The following ARL8B variants were observed in gnomAD, a reference collection of about 807,000 sequenced individuals.
ARL8B encodes the protein ADP-ribosylation factor-like protein 8B.
Under a neutral mutation model 30.6 loss-of-function variants are expected in ARL8B, and 9 were observed. The observed-to-expected ratio is 0.29, with a 90% confidence interval of 0.18 to 0.51. The LOEUF is 0.51. Among genes scored for constraint, ARL8B ranks in the 20% least tolerant of loss-of-function variants. The pLI is 0.97. For synonymous variants in ARL8B, 74 were observed against 76.0 expected, an observed-to-expected ratio of 0.97 and a Z score of 0.14; for missense variants, 130 against 227.2, an observed-to-expected ratio of 0.57 and a Z score of 2.75.
chr3:5,158,897 G>A (rs1234339977), intron 1 of ARL8B, among the ~76,000 whole-genome samples: 1 of 151,984 alleles, frequency 6.6e-6, no homozygotes, highest in African/African-American at 2.4e-5. Flanking sequence ...TCATTCTGTT[G>A]TTTATGGCTT....
intron 1 of ARL8B, among the ~76,000 whole-genome samples, chr3:5,166,105 T>A (rs902571873): frequency 6.6e-6 from 1 of 151,338 alleles, no homozygotes; most frequent in African/African-American, 2.4e-5. Flanking sequence ...AGTGGCGTGA[T>A]CTTGGCTCGC....
intron 1 of ARL8B, among the ~76,000 whole-genome samples, chr3:5,124,171 C>A (rs566603380): frequency 6.6e-6 from 1 of 151,574 alleles, no homozygotes; most frequent in East Asian, 1.9e-4. Context: ...GCCTGGCCTC[C>A]TATTGTAATA....
chr3:5,152,155 G>A (rs1444096998), intron 1 of ARL8B, among the ~76,000 whole-genome samples: 1 of 152,108 alleles, frequency 6.6e-6, no homozygotes, highest in Non-Finnish European at 1.5e-5. Context: ...ATCCTTGCTG[G>A]TTTTCTCCCT....
chr3:5,124,772 A>C (rs2054215481), intron 1 of ARL8B, among the ~76,000 whole-genome samples: 1 of 152,144 alleles, frequency 6.6e-6, no homozygotes, highest in South Asian at 2.1e-4. Flanking sequence ...TAGAGCTTTT[A>C]TATAATATGG....
intron 1 of ARL8B, among the ~76,000 whole-genome samples, chr3:5,131,724 C>G (rs2054285472): frequency 6.6e-6 from 1 of 152,158 alleles, no homozygotes; most frequent in African/African-American, 2.4e-5. Context: ...ATTGACGTTA[C>G]AGGTTTTCAT....
intron 6 of ARL8B, among the ~76,000 whole-genome samples, chr3:5,176,762 T>C (rs2054733479): frequency 1.3e-5 from 2 of 152,246 alleles, no homozygotes; most frequent in African/African-American, 4.8e-5. Flanking sequence ...TTTCTCTATG[T>C]GGCGGGGAAA....
At chr3:5,168,438 A>G (rs1032111811) in intron 1 of ARL8B, among the ~76,000 whole-genome samples, 10 of 152,256 alleles carry the variant, frequency 6.6e-5, no homozygotes, top group Non-Finnish European at 1.3e-4. Context: ...ATTTTGGAGT[A>G]AAAACTCAAG....
Position 5,176,601 on chromosome 3 carries a change from C to A in ARL8B, c.512-2063C>A, listed in dbSNP as rs925002820. 3.3e-5 allele frequency among the ~76,000 whole-genome samples: 5 copies of A among 152,152 alleles called. No homozygotes were observed. In the South Asian group the frequency reaches 8.3e-4, roughly 25 times the overall value. On this transcript the variant is annotated intron_variant, in intron 6 of 6. Transcript: ENST00000256496. ...CTAATTTTGGGCTTCCTTTAAAGACCATCCAGGGCAGTCTCAGCCTTAGTA... is the reference window on the plus strand; with the variant it reads ...CTAATTTTGGGCTTCCTTTAAAGACAATCCAGGGCAGTCTCAGCCTTAGTA...
chr3:5,167,209 G>A (rs562476075), intron 1 of ARL8B, among the ~76,000 whole-genome samples: 3 of 152,314 alleles, frequency 2.0e-5, no homozygotes, highest in Non-Finnish European at 2.9e-5. Flanking sequence ...TAAGCATTAT[G>A]ACAGTGACAG....
chr3:5,161,821 A>G (rs1448346913), intron 1 of ARL8B, among the ~76,000 whole-genome samples: 1 of 152,204 alleles, frequency 6.6e-6, no homozygotes, highest in Non-Finnish European at 1.5e-5. Context: ...CACTACTTCA[A>G]GAAAGGCCTT....
In ARL8B at chr3:5,179,019, A is replaced by T. The variant is rs541168998; in HGVS notation, c.*306A>T. 7.3e-4 allele frequency: 167 copies of T among 228,598 alleles called. No individual in the cohort carries two copies. The highest frequency in any genetic ancestry group is 1.2e-3 in the Non-Finnish European group (143 of 119,278). 14.2% of individuals were successfully genotyped at this position (228,598 alleles called of 1,614,324 possible). Reference sequence around the variant, plus strand: ...CTTATGACCATCTTAAATCAAGAAAATTGCATATTTCCATTCTGGTCTTTC... The same window carrying T: ...CTTATGACCATCTTAAATCAAGAAATTTGCATATTTCCATTCTGGTCTTTC... On this transcript the variant is annotated 3_prime_UTR_variant, in exon 7 of 7. Coordinates refer to ENST00000256496, the MANE Select transcript of ARL8B (RefSeq NM_018184.3).
rs143859017 is a variant in ARL8B, at chr3:5,173,275, A to G, written c.372+535A>G. Among the ~76,000 whole-genome samples, 374 of 152,292 alleles carry G rather than the reference A, an allele frequency of 2.5e-3. 2 individuals are homozygous for G. Among genetic ancestry groups the G allele is most frequent in the African/African-American group, 8.7e-3 (362 of 41,560 alleles). On this transcript the variant is annotated intron_variant, in intron 4 of 6. Coordinates refer to ENST00000256496, the MANE Select transcript of ARL8B (RefSeq NM_018184.3). ...AGGCAAAGGCCTTTGGGTGGGAGGA[A>G]GTGGGAAACTGAGAAGAGGCCAGTC...
At chr3:5,143,711 A>G (rs2054395723) in intron 1 of ARL8B, among the ~76,000 whole-genome samples, 1 of 152,232 alleles carries the variant, frequency 6.6e-6, no homozygotes, top group African/African-American at 2.4e-5. Context: ...GCACCAAGTC[A>G]CCAGGGTGGA....
At chr3:5,123,143 C>G (rs1219513870) in intron 1 of ARL8B, among the ~76,000 whole-genome samples, 2 of 152,122 alleles carry the variant, frequency 1.3e-5, no homozygotes, top group Admixed American at 6.5e-5. Flanking sequence ...TTGTTTTCAC[C>G]CGTCCCCCAG....
intron 1 of ARL8B, among the ~76,000 whole-genome samples, chr3:5,146,257 T>A (rs1029377772): frequency 3.3e-5 from 5 of 152,214 alleles, no homozygotes; most frequent in South Asian, 2.1e-4. Flanking sequence ...GAACCACTTA[T>A]GTTCATAGGG....
At chr3:5,140,874 A>C (rs530635229) in intron 1 of ARL8B, among the ~76,000 whole-genome samples, 2 of 152,354 alleles carry the variant, frequency 1.3e-5, no homozygotes, top group South Asian at 4.1e-4. Flanking sequence ...ACTTGGAGAC[A>C]TGAAGAACAG....
intron 1 of ARL8B, among the ~76,000 whole-genome samples, chr3:5,132,570 CT>C (rs2106554665): frequency 6.6e-6 from 1 of 152,254 alleles, no homozygotes; most frequent in African/African-American, 2.4e-5. Context: ...CAGAAATTAT[CT>C]TGTTCTCTTG....
rs546288848 is a variant in ARL8B at position 5,178,795 on chromosome 3, C to T, written c.*82C>T. The stretch of plus-strand genomic sequence containing the variant: ...TTCCTCTGAAGTAATTCCCAGAATA[C>T]GGTCCTTCCTAAACCCCAGAAATTG... On this transcript the variant is annotated 3_prime_UTR_variant, in exon 7 of 7. Transcript: ENST00000256496. The T allele has an allele frequency of 1.2e-4, 192 of 1,600,618 alleles. No individual in the cohort carries two copies. In the Middle Eastern group the frequency reaches 1.6e-3, roughly 13 times the overall value.
At chr3:5,140,349 AG>A (rs1170909579) in intron 1 of ARL8B, among the ~76,000 whole-genome samples, 1 of 152,088 alleles carries the variant, frequency 6.6e-6, no homozygotes, top group East Asian at 1.9e-4. Flanking sequence ...TTTTGTGGTA[AG>A]GGGAAACCCC....
Sources: allele counts gnomAD v4.1 joint callset (sites outside exome capture counted in the v4.1 genomes callset), GRCh38; gene constraint gnomAD v4.1.1; transcripts MANE v1.5; gene names NCBI Gene and HGNC (gene_info 2026-07-23, HGNC 2026-07-21).